Variants in REV3L observed in about 807,000 individuals in gnomAD.
The protein encoded by REV3L is DNA polymerase zeta catalytic subunit.
REV3L carries 69 observed loss-of-function variants against 299.4 expected under a neutral mutation model. That is an observed-to-expected ratio of 0.23 (90% CI 0.19 to 0.28). REV3L has a LOEUF of 0.28. Ranked by LOEUF, REV3L falls within the 10% of genes least tolerant of loss-of-function variation. The pLI, the probability that REV3L is intolerant of heterozygous loss-of-function variation, is 1.00. For missense variants in REV3L, 3,128 were observed against 3,693.8 expected, an observed-to-expected ratio of 0.85 and a Z score of 3.97; for synonymous variants, 1,238 against 1,271.4, an observed-to-expected ratio of 0.97 and a Z score of 0.56.
chr6:111,383,637 C>T (rs778083633), intron 9 of REV3L, among the ~76,000 whole-genome samples: 18 of 152,000 alleles, frequency 1.2e-4, no homozygotes, highest in Non-Finnish European at 2.4e-4. Context: ...AGATATTCCA[C>T]GTTCATGGAT....
rs569881635 is a variant in REV3L, at chr6:111,380,157, G to A, written c.1279C>T (p.Arg427Trp). The A allele has an allele frequency of 8.7e-6, 14 of 1,613,864 alleles. No homozygotes were observed. The highest frequency in any genetic ancestry group is 4.4e-5 in the South Asian group (4 of 91,076). ...GATGGCATCCTATTTCTTTCCCCCC[G>A]ATATCCATCACTTTCCAAACCAGCA... Reference protein sequence around the residue: ...LLAGLESDGYRGERNRMPSPC... With the variant: ...LLAGLESDGYWGERNRMPSPC... Residue 427 changes from arginine (R) to tryptophan (W), a missense_variant, in exon 11 of 32, where the codon CGG (arginine) becomes TGG (tryptophan). Arg to Trp is a moderately radical substitution (Grantham distance 101). This residue lies in a region of REV3L where 2,409 missense variants were observed against 2,611.8 expected (regional missense o/e 0.92). Transcript: ENST00000368802.
chr6:111,357,723 T>C (rs568199060), intron 17 of REV3L, among the ~76,000 whole-genome samples: 1 of 152,230 alleles, frequency 6.6e-6, no homozygotes, highest in East Asian at 1.9e-4. Flanking sequence ...ATATCTCTTG[T>C]GAAGAAACTG....
intron 22 of REV3L, among the ~76,000 whole-genome samples, chr6:111,334,007 C>T (rs1286206234): frequency 6.6e-6 from 1 of 152,126 alleles, no homozygotes; most frequent in South Asian, 2.1e-4. Flanking sequence ...GGCAAAATCT[C>T]GGCTCACTGC....
intron 1 of REV3L, among the ~76,000 whole-genome samples, chr6:111,451,301 T>C (rs1284707614): frequency 6.6e-6 from 1 of 152,216 alleles, no homozygotes; most frequent in Non-Finnish European, 1.5e-5. Flanking sequence ...GTCACTCGCA[T>C]TTATATAAAT....
chr6:111,453,486 T>C (rs941634117), intron 1 of REV3L, among the ~76,000 whole-genome samples: 2 of 152,172 alleles, frequency 1.3e-5, no homozygotes, highest in Admixed American at 1.3e-4. Context: ...TCCCCAGTCA[T>C]CCTGGACTTG....
chr6:111,434,169 T>C (rs1027369581), intron 1 of REV3L, among the ~76,000 whole-genome samples: 1 of 152,166 alleles, frequency 6.6e-6, no homozygotes, highest in Non-Finnish European at 1.5e-5. Context: ...TTATTCAATG[T>C]AATACTGGAA....
chr6:111,375,770 G>A lies in REV3L; in HGVS notation c.2585C>T (p.Pro862Leu). Residue 862 changes from proline (P) to leucine (L), a missense_variant, in exon 13 of 32, where the codon CCT becomes CTT. Coordinates refer to ENST00000368802, the MANE Select transcript of REV3L (RefSeq NM_001372078.1). ...ATCCTTCTCAGGATTACTATTACAA[G>A]GATTATTTTGTATAAAATTATCTTT... ...STKDNFIQNN[P>L]CNSNPEKDNA... The A allele has an allele frequency of 6.2e-7, 1 of 1,613,540 alleles. No individual in the cohort carries two copies. The highest frequency in any genetic ancestry group is 8.5e-7 in the Non-Finnish European group (1 of 1,179,710).
At chr6:111,371,212 A>C (rs184428557) in intron 13 of REV3L, among the ~76,000 whole-genome samples, 2 of 152,296 alleles carry the variant, frequency 1.3e-5, no homozygotes, top group African/African-American at 4.8e-5. Flanking sequence ...CCATCATTTA[A>C]ACTTTCTGGA....
intron 1 of REV3L, among the ~76,000 whole-genome samples, chr6:111,438,615 AC>A (rs747097633): frequency 3.9e-5 from 6 of 152,150 alleles, no homozygotes; most frequent in African/African-American, 9.7e-5. Flanking sequence ...TGACAAAAAA[AC>A]AATTTAATAT....
intron 11 of REV3L, among the ~76,000 whole-genome samples, chr6:111,379,737 AT>A: frequency 6.6e-6 from 1 of 152,320 alleles, no homozygotes; most frequent in Non-Finnish European, 1.5e-5. Flanking sequence ...ACATATGTTA[AT>A]ACTGTGTATA....
intron 11 of REV3L, 124 bp from the exon 12 acceptor site, chr6:111,377,967 T>G (rs1780477792): frequency 1.4e-6 from 1 of 733,366 alleles, no homozygotes; most frequent in African/African-American, 1.8e-5. Context: ...TGTATCTAAG[T>G]TACTCTATAG....
intron 14 of REV3L, 124 bp downstream of exon 14, chr6:111,366,991 C>T (rs1010653907): frequency 2.0e-5 from 15 of 747,220 alleles, no homozygotes; most frequent in East Asian, 6.1e-5. Context: ...TAAGACATGA[C>T]GAAAAATATT....
At chr6:111,380,247 C>A (rs1390077909) in intron 10 of REV3L, 28 bp from the exon 11 acceptor site, 5 of 1,471,606 alleles carry the variant, frequency 3.4e-6, no homozygotes, top group Non-Finnish European at 4.7e-6. Context: ...TAATCACCAA[C>A]AAATAAGTTT....
chr6:111,344,932 A>T (rs1453365186), intron 20 of REV3L, among the ~76,000 whole-genome samples: 1 of 152,224 alleles, frequency 6.6e-6, no homozygotes, highest in African/African-American at 2.4e-5. Context: ...AATTGGTCTT[A>T]CTTTATCTAC....
intron 21 of REV3L, among the ~76,000 whole-genome samples, chr6:111,342,347 C>G (rs899006814): frequency 6.6e-6 from 1 of 152,098 alleles, no homozygotes; most frequent in African/African-American, 2.4e-5. Context: ...GTGGGAAGAG[C>G]AGGAGTGCTG....
chr6:111,308,181 A>T (rs1582439615), intron 30 of REV3L: 2 of 424,946 alleles, frequency 4.7e-6, no homozygotes, highest in East Asian at 1.5e-4. Context: ...AATCCAGTCT[A>T]TCATTGATGG....
intron 1 of REV3L, among the ~76,000 whole-genome samples, chr6:111,472,986 A>G (rs1221855857): frequency 6.6e-6 from 1 of 152,196 alleles, no homozygotes; most frequent in East Asian, 1.9e-4. Flanking sequence ...CATGGAAATT[A>G]CAAGTTAACA....
intron 1 of REV3L, among the ~76,000 whole-genome samples, chr6:111,445,753 A>G (rs139050579): frequency 1.3e-5 from 2 of 152,342 alleles, no homozygotes; most frequent in Non-Finnish European, 2.9e-5. Flanking sequence ...GCAAGAAAGG[A>G]TTCATAGAAG....
At chr6:111,464,927 G>A (rs1174700980) in intron 1 of REV3L, among the ~76,000 whole-genome samples, 11 of 151,904 alleles carry the variant, frequency 7.2e-5, no homozygotes, top group Non-Finnish European at 1.3e-4. Flanking sequence ...GCTTGAACCT[G>A]GGAGACGGAG....
Sources: gnomAD v4.1 joint callset for allele counts (sites outside exome capture counted in the v4.1 genomes callset) on GRCh38, gnomAD v4.1.1 for gene constraint, gnomAD v4.1.1 regional missense constraint, MANE v1.5 for transcripts, NCBI Gene and HGNC (gene_info 2026-07-23, HGNC 2026-07-21) for gene names.